Variants in MED12L observed in about 807,000 individuals in gnomAD.
MED12L encodes the protein mediator of RNA polymerase II transcription subunit 12-like protein.
A neutral mutation model predicts 281.3 loss-of-function variants in MED12L; 60 were observed. The observed-to-expected ratio is 0.21, with a 90% confidence interval of 0.17 to 0.26. The LOEUF (loss-of-function observed/expected upper bound fraction) is 0.26. MED12L is among the 10% of genes least tolerant of loss of function. The pLI is 1.00. For synonymous variants in MED12L, 974 were observed against 987.2 expected (o/e 0.99, Z 0.25); for missense variants, 2,146 against 2,680.9 (o/e 0.80, Z 4.41).
chr3:151,205,346 T>C (rs1726198859), intron 16 of MED12L, among the ~76,000 whole-genome samples: 1 of 152,174 alleles, frequency 6.6e-6, no homozygotes, highest in Non-Finnish European at 1.5e-5. Flanking sequence ...TTTGTATGTG[T>C]AAAATAAAAA....
intron 21 of MED12L, 108 bp from the exon 22 acceptor site, chr3:151,364,871 C>G (rs1755079183): frequency 5.3e-6 from 4 of 756,042 alleles, no homozygotes; most frequent in Non-Finnish European, 6.8e-6. Flanking sequence ...TGAATCTTCT[C>G]TAGGAATGCA....
intron 5 of MED12L, among the ~76,000 whole-genome samples, chr3:151,144,834 A>T (rs1201581141): frequency 6.6e-6 from 1 of 152,022 alleles, no homozygotes; most frequent in African/African-American, 2.4e-5. Flanking sequence ...TCAGTGACCT[A>T]TTCACTGCCG....
At chr3:151,156,118 C>T (rs750696053) in intron 5 of MED12L, 43 bp from the exon 6 acceptor site, 1 of 1,486,316 alleles carries the variant, frequency 6.7e-7, no homozygotes, top group South Asian at 1.3e-5. Context: ...TTCTTGTACC[C>T]ATTGTGTCTA....
At chr3:151,366,100 A>G in intron 23 of MED12L, 109 bp downstream of exon 23, 1 of 981,350 alleles carries the variant, frequency 1.0e-6, no homozygotes, top group East Asian at 2.7e-5. Context: ...GAAATGTTAT[A>G]AAATATTTTT....
intron 39 of MED12L, among the ~76,000 whole-genome samples, chr3:151,399,835 T>A (rs910020495): frequency 7.0e-6 from 1 of 142,634 alleles, no homozygotes; most frequent in African/African-American, 2.7e-5. Flanking sequence ...TCTTTCTTTT[T>A]TTTTTTCTTG....
intron 2 of MED12L, among the ~76,000 whole-genome samples, chr3:151,109,378 A>G (rs1342380079): frequency 1.3e-5 from 2 of 152,236 alleles, no homozygotes; most frequent in South Asian, 2.1e-4. Flanking sequence ...GTAGAATACA[A>G]AAATACAGAG....
In MED12L at chr3:151,394,887, A is replaced by G; in HGVS notation, c.5820+20A>G. 1 of 1,612,998 alleles carries G rather than the reference A, an allele frequency of 6.2e-7. No homozygotes were observed. Among genetic ancestry groups the G allele is most frequent in the African/African-American group, 1.3e-5 (1 of 74,978 alleles). On this transcript the variant is annotated intron_variant, in intron 39 of 44. Transcript: ENST00000687756. ...CAACAGGTTTGTCCAGACCCCAGCAATGGAGTCCTTTGCATTTTATTACCT... is the reference window on the plus strand; with the variant it reads ...CAACAGGTTTGTCCAGACCCCAGCAGTGGAGTCCTTTGCATTTTATTACCT...
chr3:151,164,231 C>T (rs1720391171), intron 9 of MED12L, among the ~76,000 whole-genome samples, 189 bp downstream of exon 9: 1 of 152,158 alleles, frequency 6.6e-6, no homozygotes, highest in African/African-American at 2.4e-5. Flanking sequence ...GAAGTTGCTC[C>T]CTTTCTTTTC....
chr3:151,345,923 G>A (rs1294509690), intron 16 of MED12L, among the ~76,000 whole-genome samples: 1 of 152,148 alleles, frequency 6.6e-6, no homozygotes, highest in Non-Finnish European at 1.5e-5. Context: ...GACTACTGTA[G>A]TAACACCTAG....
At chr3:151,225,314 C>T (rs371051908) in intron 16 of MED12L, among the ~76,000 whole-genome samples, 5 of 152,244 alleles carry the variant, frequency 3.3e-5, no homozygotes, top group East Asian at 3.9e-4. Context: ...AACAATACTA[C>T]GTATTGAGTC....
At chr3:151,252,076 A>G (rs1736955278) in intron 16 of MED12L, among the ~76,000 whole-genome samples, 2 of 152,194 alleles carry the variant, frequency 1.3e-5, no homozygotes, top group African/African-American at 2.4e-5. Flanking sequence ...CAGTTGGCCC[A>G]CCCTTTCCTA....
intron 11 of MED12L, among the ~76,000 whole-genome samples, chr3:151,169,146 CTCTG>C (rs1316940400): frequency 3.7e-4 from 44 of 117,920 alleles, no homozygotes; most frequent in Non-Finnish European, 4.5e-4. Context: ...GAGACGGAGT[CTCTG>C]TCTGTCTCCC....
chr3:151,363,242 G>T (rs1356115798), intron 21 of MED12L, among the ~76,000 whole-genome samples: 1 of 152,090 alleles, frequency 6.6e-6, no homozygotes, highest in East Asian at 1.9e-4. Context: ...ACTTTCTTGG[G>T]ATATCTTGAA....
chr3:151,301,242 C>T (rs567918773), intron 16 of MED12L, among the ~76,000 whole-genome samples: 15 of 152,214 alleles, frequency 9.9e-5, no homozygotes, highest in Non-Finnish European at 1.3e-4. Flanking sequence ...GAATGACTGA[C>T]GCAGTTAATT....
At chr3:151,303,921 A>T (rs1156491311) in intron 16 of MED12L, among the ~76,000 whole-genome samples, 1 of 152,190 alleles carries the variant, frequency 6.6e-6, no homozygotes, top group Non-Finnish European at 1.5e-5. Context: ...TAATAATGTC[A>T]TGTGAACCAA....
At chr3:151,298,701 G>C (rs538597149) in intron 16 of MED12L, among the ~76,000 whole-genome samples, 3 of 152,184 alleles carry the variant, frequency 2.0e-5, no homozygotes, top group African/African-American at 7.2e-5. Flanking sequence ...TTGCCGGGGG[G>C]AATAGGTTTG....
At chr3:151,195,737 A>G (rs1231841126) in intron 16 of MED12L, among the ~76,000 whole-genome samples, 1 of 152,218 alleles carries the variant, frequency 6.6e-6, no homozygotes, top group Non-Finnish European at 1.5e-5. Flanking sequence ...TTTATTTAAT[A>G]GTAATATACC....
At chr3:151,165,325 A>G (rs926818339) in intron 9 of MED12L, 95 bp from the exon 10 acceptor site, 4 of 887,106 alleles carry the variant, frequency 4.5e-6, no homozygotes, top group South Asian at 3.0e-5. Flanking sequence ...GTAGTTCACT[A>G]TAGGATACTT....
At chr3:151,165,810 G>T (rs1472446953) in intron 10 of MED12L, 36 bp from the exon 11 acceptor site, 3 of 1,591,428 alleles carry the variant, frequency 1.9e-6, no homozygotes, top group Admixed American at 3.5e-5. Context: ...TGTTATTTTT[G>T]GCCTCATTAA....
Sources: gnomAD v4.1 joint callset for allele counts (sites outside exome capture counted in the v4.1 genomes callset) on GRCh38, gnomAD v4.1.1 for gene constraint, MANE v1.5 for transcripts, NCBI Gene and HGNC (gene_info 2026-07-23, HGNC 2026-07-21) for gene names.